Variants in PABPC4L observed in about 807,000 individuals in gnomAD.
PABPC4L encodes poly(A) binding protein cytoplasmic 4 like, also known as polyadenylate-binding protein 4-like.
For missense variants in PABPC4L, 452 were observed against 451.4 expected (o/e 1.00, Z -0.01); for synonymous variants, 169 against 164.1 (o/e 1.03, Z -0.23).
At chr4:134,139,689 A>AT in the PABPC4L span, among the ~76,000 whole-genome samples, 6 of 126,848 alleles carry the variant, frequency 4.7e-5, no homozygotes, top group Non-Finnish European at 7.7e-5. Context: ...TCATTCTTTT[A>AT]TTTTTTTACT....
the PABPC4L span, among the ~76,000 whole-genome samples, chr4:133,961,801 C>T: frequency 1.1e-3 from 165 of 152,278 alleles, 1 homozygote; most frequent in Non-Finnish European, 1.7e-3. Context: ...CACTTGTGAT[C>T]CAGTGAGGCA....
the PABPC4L span, among the ~76,000 whole-genome samples, chr4:134,028,439 T>C: frequency 3.1e-4 from 2 of 6,476 alleles, no homozygotes; most frequent in African/African-American, 1.8e-3. Context: ...TTTCTTTTCC[T>C]TTTTTTTTTT....
At chr4:134,060,898 G>C in the PABPC4L span, among the ~76,000 whole-genome samples, 439 of 152,134 alleles carry the variant, frequency 2.9e-3, 5 homozygotes, top group Admixed American at 1.9e-3. Flanking sequence ...GATAGAGAGT[G>C]AGAAGGATGG....
the PABPC4L span, among the ~76,000 whole-genome samples, chr4:134,121,903 T>C: frequency 2.6e-5 from 4 of 151,856 alleles, no homozygotes; most frequent in Admixed American, 1.3e-4. Context: ...TCAACAAATA[T>C]CCCATGAAGA....
rs1316278145 is a variant in PABPC4L, at chr4:134,201,072, C to T, written c.-53G>A. On this transcript the variant is annotated 5_prime_UTR_variant, in exon 2 of 2. Transcript: ENST00000421491. ...TCCCCTGGAGTTCTTTGAGCAATCC[C>T]TGTGGGGGGATACTAGGTCACAGCT... is the stretch of plus-strand genomic sequence containing the variant. The T allele has an allele frequency of 1.3e-6, 2 of 1,551,246 alleles. No homozygotes were observed. The highest frequency in any genetic ancestry group is 2.0e-5 in the Admixed American group (1 of 50,976).
At chr4:134,158,574 T>C in the PABPC4L span, among the ~76,000 whole-genome samples, 1 of 152,090 alleles carries the variant, frequency 6.6e-6, no homozygotes, top group Non-Finnish European at 1.5e-5. Flanking sequence ...ACATTACAGA[T>C]AAAAAGGCTG....
the PABPC4L span, among the ~76,000 whole-genome samples, chr4:134,126,153 A>G: frequency 6.6e-6 from 1 of 152,166 alleles, no homozygotes; most frequent in Non-Finnish European, 1.5e-5. Context: ...AGAATGCATC[A>G]TATGACAGTC....
chr4:134,182,848 T>C, the PABPC4L span, among the ~76,000 whole-genome samples: 1 of 151,824 alleles, frequency 6.6e-6, no homozygotes, highest in Non-Finnish European at 1.5e-5. Context: ...AACAAGCATA[T>C]AGGAAAATGC....
chr4:134,025,642 A>G, the PABPC4L span, among the ~76,000 whole-genome samples: 2 of 152,298 alleles, frequency 1.3e-5, no homozygotes, highest in African/African-American at 2.4e-5. Context: ...TTCTCATTTT[A>G]TCATGCACCC....
the PABPC4L span, among the ~76,000 whole-genome samples, chr4:134,046,638 G>A: frequency 6.6e-6 from 1 of 152,142 alleles, no homozygotes; most frequent in South Asian, 2.1e-4. Context: ...TCTCAGTCGG[G>A]GGAAACCTTG....
the PABPC4L span, among the ~76,000 whole-genome samples, chr4:134,179,479 G>T: frequency 6.6e-6 from 1 of 151,976 alleles, no homozygotes; most frequent in African/African-American, 2.4e-5. Flanking sequence ...GCCACACAAA[G>T]AAGTCTGCAT....
the PABPC4L span, among the ~76,000 whole-genome samples, chr4:133,959,487 CAA>C: frequency 6.6e-6 from 1 of 152,108 alleles, no homozygotes; most frequent in African/African-American, 2.4e-5. Flanking sequence ...TGAATTGACC[CAA>C]GAGAGAGCTT....
At chr4:134,150,830 C>A in the PABPC4L span, among the ~76,000 whole-genome samples, 1 of 152,120 alleles carries the variant, frequency 6.6e-6, no homozygotes, top group South Asian at 2.1e-4. Context: ...AGTTCACTAT[C>A]CAGAATGCTT....
the PABPC4L span, among the ~76,000 whole-genome samples, chr4:134,091,003 A>C: frequency 6.6e-6 from 1 of 151,808 alleles, no homozygotes; most frequent in Admixed American, 6.6e-5. Context: ...ATTTTTCCAT[A>C]TTACTTTTGG....
chr4:134,042,981 C>A, the PABPC4L span, among the ~76,000 whole-genome samples: 2 of 151,994 alleles, frequency 1.3e-5, no homozygotes, highest in Non-Finnish European at 2.9e-5. Flanking sequence ...AAAATGTTCA[C>A]CAGTAAATGA....
At chr4:133,976,645 T>C in the PABPC4L span, among the ~76,000 whole-genome samples, 1 of 152,212 alleles carries the variant, frequency 6.6e-6, no homozygotes, top group Non-Finnish European at 1.5e-5. Flanking sequence ...TTTTTAATAA[T>C]CACCATTCTG....
At chr4:134,120,816 C>T in the PABPC4L span, among the ~76,000 whole-genome samples, 1 of 151,082 alleles carries the variant, frequency 6.6e-6, no homozygotes, top group Admixed American at 6.6e-5. Flanking sequence ...TGTGTGTGGG[C>T]AAGTGTGTGT....
At chr4:133,995,153 G>A in the PABPC4L span, among the ~76,000 whole-genome samples, 1,687 of 152,248 alleles carry the variant, frequency 0.011, 36 homozygotes, top group African/African-American at 0.038. Context: ...GGGGGTTGCC[G>A]TTTTTATCAA....
the PABPC4L span, among the ~76,000 whole-genome samples, chr4:133,993,066 C>A: frequency 6.6e-6 from 1 of 152,002 alleles, no homozygotes; most frequent in Non-Finnish European, 1.5e-5. Flanking sequence ...TTGGACAATG[C>A]CATACATTAA....
Sources: allele counts gnomAD v4.1 joint callset (sites outside exome capture counted in the v4.1 genomes callset), GRCh38; gene constraint gnomAD v4.1.1; transcripts MANE v1.5; gene names NCBI Gene and HGNC (gene_info 2026-07-23, HGNC 2026-07-21).